CTNNA2: variants seen among roughly 807,000 people sequenced by gnomAD.
CTNNA2 encodes the protein catenin alpha-2.
Under a neutral mutation model 101.0 loss-of-function variants are expected in CTNNA2, and 42 were observed. The observed-to-expected ratio is 0.42, with a 90% confidence interval of 0.32 to 0.54. CTNNA2 has a LOEUF of 0.54. CTNNA2 is among the 20% of genes least tolerant of loss of function. The pLI is 0.14. For missense variants in CTNNA2, 871 were observed against 1,223.1 expected, an observed-to-expected ratio of 0.71 and a Z score of 4.29; for synonymous variants, 450 against 456.4, an observed-to-expected ratio of 0.99 and a Z score of 0.18.
intron 9 of CTNNA2, among the ~76,000 whole-genome samples, chr2:80,485,731 A>G (rs975935473): frequency 3.3e-5 from 5 of 152,204 alleles, no homozygotes; most frequent in Non-Finnish European, 7.3e-5. Flanking sequence ...ACAAACAACA[A>G]TAACAACAAC....
intron 7 of CTNNA2, among the ~76,000 whole-genome samples, chr2:80,137,446 G>A (rs559958923): frequency 1.6e-4 from 24 of 152,224 alleles, no homozygotes; most frequent in Non-Finnish European, 1.9e-4. Flanking sequence ...TAGGAGATAC[G>A]AACTAACAGT....
intron 7 of CTNNA2, among the ~76,000 whole-genome samples, chr2:80,141,128 G>T (rs951330074): frequency 2.0e-4 from 30 of 151,906 alleles, no homozygotes; most frequent in African/African-American, 7.3e-4. Flanking sequence ...TCTTAGGACC[G>T]CTCCATAGGC....
intron 2 of CTNNA2, among the ~76,000 whole-genome samples, chr2:79,741,849 T>C (rs907095028): frequency 6.6e-6 from 1 of 152,208 alleles, no homozygotes; most frequent in Non-Finnish European, 1.5e-5. Context: ...TTATCTAATT[T>C]AATAGTTTGT....
rs546395200 is a variant in CTNNA2, at chr2:79,202,808, C to T, written c.-406+4732C>T. 6.6e-5 allele frequency among the ~76,000 whole-genome samples: 10 copies of T among 152,262 alleles called. No individual in the cohort carries two copies. The South Asian group carries it at 1.9e-3, about 28-fold the overall frequency. ...CCCACAAGCCCAGCCATTGTTCTCA[C>T]ATGGCTCTAGCCATGAAAGATAGCA... On this transcript the variant is annotated intron_variant, in intron 2 of 21. Transcript: ENST00000466387.
At position 80,352,330 on chromosome 2, in the gene CTNNA2, T is replaced by A. The variant is rs192673197; in HGVS notation, c.1057-40881T>A. Among the ~76,000 whole-genome samples, 5 of 151,876 alleles carry A rather than the reference T, an allele frequency of 3.3e-5. No homozygotes were observed. In the East Asian group the frequency reaches 9.7e-4, roughly 29 times the overall value. ...TAGAGAGCGACCTATAAAGGAGCCA[T>A]TTTTTTTATTGCCTGAGGCTAATGT... On this transcript the variant is annotated intron_variant, in intron 7 of 18. Coordinates refer to ENST00000402739, the MANE Select transcript of CTNNA2 (RefSeq NM_001282597.3).
chr2:79,603,464 T>G (rs139453108), intron 1 of CTNNA2, among the ~76,000 whole-genome samples: 1 of 152,186 alleles, frequency 6.6e-6, no homozygotes, highest in Non-Finnish European at 1.5e-5. Flanking sequence ...AAAAGTATCA[T>G]GTATTAGAGA....
rs572184681 is a variant in CTNNA2, at chr2:79,852,822, C to T, written c.299-5191C>T. 2.0e-5 allele frequency among the ~76,000 whole-genome samples: 3 copies of T among 152,208 alleles called. No homozygotes were observed. In the South Asian group the frequency reaches 6.2e-4, roughly 32 times the overall value. On this transcript the variant is annotated intron_variant, in intron 3 of 18. Coordinates refer to ENST00000402739, the MANE Select transcript of CTNNA2 (RefSeq NM_001282597.3). ...GGCCAGAATGGTCTCGATCTCTTGACCTTGTGATCCAACCGCCTCAGCCTC... is the reference window on the plus strand; with the variant it reads ...GGCCAGAATGGTCTCGATCTCTTGATCTTGTGATCCAACCGCCTCAGCCTC...
chr2:80,297,149 G>A (rs931611984), intron 7 of CTNNA2, among the ~76,000 whole-genome samples: 2 of 152,186 alleles, frequency 1.3e-5, no homozygotes, highest in African/African-American at 4.8e-5. Flanking sequence ...AGAATTCCTG[G>A]ATTTCACCAC....
chr2:79,790,897 T>C (rs1214583611), intron 3 of CTNNA2, among the ~76,000 whole-genome samples: 4 of 152,224 alleles, frequency 2.6e-5, no homozygotes, highest in African/African-American at 9.6e-5. Flanking sequence ...GGCTTATTCC[T>C]CAGAAGTAGA....
At chr2:80,335,390 G>A (rs186515857) in intron 7 of CTNNA2, among the ~76,000 whole-genome samples, 16 of 152,258 alleles carry the variant, frequency 1.1e-4, no homozygotes, top group Admixed American at 4.6e-4. Context: ...GAGGAGTGAG[G>A]AGGAAGGCCT....
chr2:80,601,421 C>CTTTTTTTTTTTTTTTTTTTTTTTTT (rs56921519), intron 15 of CTNNA2, among the ~76,000 whole-genome samples: 4 of 84,408 alleles, frequency 4.7e-5, no homozygotes, highest in African/African-American at 1.9e-4. Flanking sequence ...TTCTTTCTTT[C>CTTTTTTTTTTTTTTTTTTTTTTTTT]TTTTTTTTTT....
At chr2:79,703,950 T>TTA (rs1553454169) in intron 2 of CTNNA2, among the ~76,000 whole-genome samples, 1 of 75,840 alleles carries the variant, frequency 1.3e-5, no homozygotes, top group Non-Finnish European at 2.9e-5. Flanking sequence ...CACTTTAAAT[T>TTA]TATGTGATAA....
chr2:79,801,639 G>C (rs1343024965), intron 3 of CTNNA2, among the ~76,000 whole-genome samples: 1 of 152,130 alleles, frequency 6.6e-6, no homozygotes, highest in East Asian at 1.9e-4. Flanking sequence ...TACAAAATTA[G>C]AGTGGATCCA....
intron 7 of CTNNA2, among the ~76,000 whole-genome samples, chr2:79,923,018 G>C (rs547903975): frequency 2.0e-5 from 3 of 152,072 alleles, no homozygotes; most frequent in South Asian, 4.2e-4. Context: ...GTAGACTCTG[G>C]ACAAATATCC....
intron 4 of CTNNA2, among the ~76,000 whole-genome samples, chr2:79,410,616 A>C (rs1678398761): frequency 6.6e-6 from 1 of 151,894 alleles, no homozygotes; most frequent in African/African-American, 2.4e-5. Context: ...TGATTTGTGT[A>C]TATTGAACCA....
At chr2:79,664,153 A>C (rs893807658) in intron 2 of CTNNA2, among the ~76,000 whole-genome samples, 18 of 152,234 alleles carry the variant, frequency 1.2e-4, no homozygotes, top group African/African-American at 4.3e-4. Flanking sequence ...TTCATAATAA[A>C]AGGCATAGTA....
chr2:80,481,976 G>A (rs2862290), intron 9 of CTNNA2, among the ~76,000 whole-genome samples: 59,177 of 151,844 alleles, frequency 0.39, 12,700 homozygotes, highest in East Asian at 0.67. Context: ...CCATATCGGG[G>A]AGATTACTTC....
chr2:79,235,513 T>C (rs1230153804), intron 2 of CTNNA2, among the ~76,000 whole-genome samples: 1 of 152,050 alleles, frequency 6.6e-6, no homozygotes. Flanking sequence ...ATATTTCTTT[T>C]GTTAGGTGCT....
chr2:80,010,455 G>A (rs1337612070), intron 7 of CTNNA2, among the ~76,000 whole-genome samples: 1 of 151,976 alleles, frequency 6.6e-6, no homozygotes, highest in East Asian at 1.9e-4. Context: ...ACAGGCACGT[G>A]CCACCATGCC....
Sources: allele counts gnomAD v4.1 joint callset (sites outside exome capture counted in the v4.1 genomes callset), GRCh38; gene constraint gnomAD v4.1.1; transcripts MANE v1.5; gene names NCBI Gene and HGNC (gene_info 2026-07-23, HGNC 2026-07-21).